The following SHROOM3 variants were observed in gnomAD, a reference collection of about 807,000 sequenced individuals.
SHROOM3 encodes the protein shroom family member 3.
Under a neutral mutation model 138.6 loss-of-function variants are expected in SHROOM3, and 47 were observed. The observed-to-expected ratio is 0.34, with a 90% CI of 0.27 to 0.43. SHROOM3 has a LOEUF of 0.43. Ranked by LOEUF, SHROOM3 falls within the 20% of genes least tolerant of loss-of-function variation. The pLI is 1.00. For synonymous variants in SHROOM3, 1,062 were observed against 1,063.3 expected (o/e 1.00, Z 0.02); for missense variants, 2,491 against 2,596.5 (o/e 0.96, Z 0.88).
chr4:76,563,951 C>T (rs968366469), intron 2 of SHROOM3, among the ~76,000 whole-genome samples: 1 of 152,206 alleles, frequency 6.6e-6, no homozygotes, highest in African/African-American at 2.4e-5. Context: ...GTCCCCACCA[C>T]GTGCCACAGG....
At chr4:76,574,770 T>C (rs1184719943) in intron 2 of SHROOM3, among the ~76,000 whole-genome samples, 1 of 151,960 alleles carries the variant, frequency 6.6e-6, no homozygotes, top group African/African-American at 2.4e-5. Context: ...GTACCCAGGG[T>C]AGTCAAATTC....
chr4:76,637,886 T>G (rs1735545213), intron 2 of SHROOM3, among the ~76,000 whole-genome samples: 1 of 152,168 alleles, frequency 6.6e-6, no homozygotes, highest in African/African-American at 2.4e-5. Flanking sequence ...GTGCCTCTCC[T>G]AAAATACCTT....
intron 9 of SHROOM3, among the ~76,000 whole-genome samples, chr4:76,762,184 T>C (rs894508832): frequency 6.6e-6 from 1 of 152,238 alleles, no homozygotes; most frequent in African/African-American, 2.4e-5. Flanking sequence ...GAAGTGGTAA[T>C]GATCTCTCAC....
chr4:76,497,603 A>G (rs1467094081), intron 1 of SHROOM3, among the ~76,000 whole-genome samples: 1 of 152,170 alleles, frequency 6.6e-6, no homozygotes, highest in African/African-American at 2.4e-5. Flanking sequence ...CATGCCTGTA[A>G]TCCCAGCACT....
intron 1 of SHROOM3, among the ~76,000 whole-genome samples, chr4:76,507,151 A>T (rs1248351973): frequency 6.6e-6 from 1 of 152,234 alleles, no homozygotes; most frequent in Non-Finnish European, 1.5e-5. Context: ...AGGAAGAAGA[A>T]ATAAAAGGAG....
At chr4:76,536,146 A>G (rs1310341246) in intron 1 of SHROOM3, among the ~76,000 whole-genome samples, 2 of 152,194 alleles carry the variant, frequency 1.3e-5, no homozygotes, top group African/African-American at 2.4e-5. Context: ...GCCATTGACA[A>G]ATTACTTTCC....
chr4:76,461,538 T>A (rs78937386), intron 1 of SHROOM3, among the ~76,000 whole-genome samples: 2,111 of 152,312 alleles, frequency 0.014, 48 homozygotes, highest in African/African-American at 0.048. Context: ...TACTACTACC[T>A]GCTTACCAGA....
chr4:76,623,214 T>C (rs1735046727), intron 2 of SHROOM3, among the ~76,000 whole-genome samples: 1 of 152,190 alleles, frequency 6.6e-6, no homozygotes, highest in Non-Finnish European at 1.5e-5. Flanking sequence ...TTCTTCCCTA[T>C]AACAGGTATC....
intron 1 of SHROOM3, among the ~76,000 whole-genome samples, chr4:76,528,936 G>A (rs1732771115): frequency 1.3e-5 from 2 of 152,260 alleles, no homozygotes; most frequent in South Asian, 2.1e-4. Context: ...ACATTAATGG[G>A]TGGGCAACTG....
intron 2 of SHROOM3, among the ~76,000 whole-genome samples, chr4:76,657,038 G>A (rs1382701342): frequency 2.6e-5 from 4 of 152,032 alleles, no homozygotes; most frequent in South Asian, 4.1e-4. Flanking sequence ...TTAGATGGGC[G>A]TGGTGGCAGG....
rs1560609927 is a variant in SHROOM3, at chr4:76,741,771, C to G, written c.3598C>G (p.Gln1200Glu). The G allele has an allele frequency of 6.4e-7, 1 of 1,572,472 alleles. No homozygotes were observed. Among genetic ancestry groups the G allele is most frequent in the Non-Finnish European group, 8.6e-7 (1 of 1,159,404 alleles). Residue 1200 changes from glutamine to glutamate, a missense_variant, in exon 5 of 11, where the codon CAG becomes GAG. Gln to Glu is a conservative substitution (Grantham distance 29). Coordinates refer to ENST00000296043, the MANE Select transcript of SHROOM3 (RefSeq NM_020859.4). The surrounding 1 kb of genome is among the most constrained non-coding windows in gnomAD (Gnocchi z 6.2). ...AGCAAACGGTGGAACAAGGGGCACC[C>G]AGAGAGGGGATGAGACCCCCAGGGA... The part of the protein sequence containing the change: ...SGANGGTRGT[Q>E]RGDETPREPS...
chr4:76,720,059 C>T (rs574174659), intron 3 of SHROOM3, among the ~76,000 whole-genome samples: 1 of 151,466 alleles, frequency 6.6e-6, no homozygotes, highest in South Asian at 2.1e-4. Context: ...ATGGTATTAC[C>T]TAATGCATAC....
chr4:76,601,870 G>A (rs1222292100), intron 2 of SHROOM3, among the ~76,000 whole-genome samples: 1 of 152,122 alleles, frequency 6.6e-6, no homozygotes, highest in African/African-American at 2.4e-5. Flanking sequence ...CTCTCAAATT[G>A]TCAGACAATT....
intron 1 of SHROOM3, among the ~76,000 whole-genome samples, chr4:76,506,383 A>C (rs1732212514): frequency 1.3e-5 from 2 of 152,186 alleles, no homozygotes; most frequent in African/African-American, 2.4e-5. Flanking sequence ...ATGATAAAAA[A>C]CAAAAAGTAT....
At position 76,739,552 on chromosome 4, in the gene SHROOM3, A is replaced by C; in HGVS notation, c.1379A>C (p.Gln460Pro). ...TATACCCAGAAGGCCCAACCTGGCC[A>C]ACCTCTGCTGCCGACCAGCATCTAC... ...HNYTQKAQPG[Q>P]PLLPTSIYPV... The change falls in exon 5 of 11, where the codon CAA becomes CCA. Residue 460 changes from glutamine (Q) to proline (P), a missense_variant. Gln to Pro is a moderately conservative substitution (Grantham distance 76). Coordinates refer to ENST00000296043, the MANE Select transcript of SHROOM3 (RefSeq NM_020859.4). 1.2e-6 allele frequency: 2 copies of C among 1,614,174 alleles called. No individual in the cohort carries two copies. Among genetic ancestry groups the C allele is most frequent in the South Asian group, 1.1e-5 (1 of 91,086 alleles).
At chr4:76,627,328 G>C (rs188459334) in intron 2 of SHROOM3, among the ~76,000 whole-genome samples, 359 of 152,292 alleles carry the variant, frequency 2.4e-3, no homozygotes, top group African/African-American at 7.7e-3. Flanking sequence ...CTTCAGAACT[G>C]TGGTTTTATT....
chr4:76,606,583 A>G (rs1734627339), intron 2 of SHROOM3, among the ~76,000 whole-genome samples: 1 of 151,972 alleles, frequency 6.6e-6, no homozygotes. Context: ...GGTGCCTGTA[A>G]TCTCAGCTAC....
intron 1 of SHROOM3, among the ~76,000 whole-genome samples, chr4:76,549,296 C>A (rs908393107): frequency 2.6e-5 from 4 of 152,102 alleles, no homozygotes; most frequent in African/African-American, 9.7e-5. Context: ...ATTTATCATT[C>A]ATGATAATAA....
Position 76,746,814 on chromosome 4 carries a change from TATTATTATTATTA to T in SHROOM3, c.3754-2202_3754-2190del, listed in dbSNP as rs1265217589. On this transcript the variant is annotated intron_variant, in intron 5 of 10. Coordinates refer to ENST00000296043, the MANE Select transcript of SHROOM3 (RefSeq NM_020859.4). ...TTATTATTATTATTATTATTATTAT[TATTATTATTATTA>T]TTATTTTGAGACGGAGTCTCGCTCA... 1.8e-4 allele frequency among the ~76,000 whole-genome samples: 27 copies of T among 146,518 alleles called. No homozygotes were observed. The South Asian group carries it at 5.3e-3, about 29-fold the overall frequency.
Sources: gnomAD v4.1 joint callset for allele counts (sites outside exome capture counted in the v4.1 genomes callset) on GRCh38, gnomAD v4.1.1 for gene constraint, Gnocchi (gnomAD v3.1) non-coding constraint, MANE v1.5 for transcripts, NCBI Gene and HGNC (gene_info 2026-07-23, HGNC 2026-07-21) for gene names.